CENPT: variants seen among roughly 807,000 people sequenced by gnomAD.
CENPT encodes the protein interphase centromere complex protein 22.
CENPT carries 42 observed loss-of-function variants against 59.7 expected under a neutral mutation model. The ratio of observed to expected loss-of-function variants is 0.70; its 90% CI spans 0.55 to 0.91. The LOEUF (loss-of-function observed/expected upper bound fraction) is 0.91, where lower values mean the gene tolerates loss of function less well. Among genes scored for constraint, CENPT ranks in the 40% least tolerant of loss-of-function variants. The pLI, the probability that CENPT is intolerant of heterozygous loss-of-function variation, is 0.00. For synonymous variants in CENPT, 295 were observed against 289.6 expected (o/e 1.02, Z -0.19); for missense variants, 716 against 713.4 (o/e 1.00, Z -0.04).
At chr16:67,834,491 C>T (rs77335546) in intron 3 of CENPT, among the ~76,000 whole-genome samples, 4,436 of 152,158 alleles carry the variant, frequency 0.029, 95 homozygotes, top group Middle Eastern at 0.16. Flanking sequence ...TGGTGGTGCG[C>T]GCCTGTAGTC....
chr16:67,830,650 C>T, intron 10 of CENPT, 102 bp from the exon 11 acceptor site: 1 of 1,274,454 alleles, frequency 7.8e-7, no homozygotes, highest in Non-Finnish European at 1.1e-6. Context: ...CTCAGCGTTG[C>T]CAGGGCCTGG....
At position 67,835,156 on chromosome 16, in the gene CENPT, T is replaced by C. The variant is rs2057727084; in HGVS notation, c.-242+16A>G. On this transcript the variant is annotated intron_variant, in intron 3 of 15. Transcript: ENST00000562787. ...GCGCCCGGCCATTAAAAATTTTTAATGCTAGAGATGCTTACCATATTCTGT... is the reference window on the plus strand; with the variant it reads ...GCGCCCGGCCATTAAAAATTTTTAACGCTAGAGATGCTTACCATATTCTGT... 1.3e-5 allele frequency: 2 copies of C among 152,190 alleles called. No individual in the cohort carries two copies. The highest frequency in any genetic ancestry group is 2.4e-5 in the African/African-American group (1 of 41,454). 9.4% of individuals were successfully genotyped at this position (152,190 alleles called of 1,614,324 possible).
rs34749254 is a variant in CENPT, at chr16:67,828,799, G to A, written c.1325C>T (p.Pro442Leu). The change falls in exon 14 of 16, where the codon CCT becomes CTT. Residue 442 changes from proline to leucine, a missense_variant. Physicochemically the swap from Pro to Leu is moderately conservative, Grantham distance 98. Transcript: ENST00000562787. ...PAEPLLVRHP[P>L]RPRTTGPRPR... ...CCTGGGGCCGGTGGTCCGGGGCCTA[G>A]GGGGATGCCTGACCAACAGAGGCTC... is the stretch of plus-strand genomic sequence containing the variant. 4 of 1,596,140 alleles carry A rather than the reference G, an allele frequency of 2.5e-6. No homozygotes were observed. In the Admixed American group the frequency reaches 5.7e-5, roughly 23 times the overall value.
rs778229845 is a variant in CENPT at position 67,831,814 on chromosome 16, G to T, written c.463C>A (p.Gln155Lys). 36 of 1,602,970 alleles carry T rather than the reference G, an allele frequency of 2.2e-5. No homozygotes were observed. The highest frequency in any genetic ancestry group is 3.1e-5 in the Non-Finnish European group (36 of 1,175,696). ...PGLLAPGRRK[Q>K]RLRLSVFQQG... is the part of the protein sequence containing the mutation. ...TGAAACACTGACAGTCTCAGCCTCT[G>T]TTTCCTCCTGCCAGGGGCCAGCAGA... Residue 155 changes from glutamine (Q) to lysine (K), a missense_variant, in exon 8 of 16, where the codon CAG becomes AAG. Transcript: ENST00000562787.
At chr16:67,835,771 C>T (rs1049152035) in intron 1 of CENPT, 113 bp from the exon 2 acceptor site, 4 of 152,128 alleles carry the variant, frequency 2.6e-5, no homozygotes, top group African/African-American at 9.7e-5. Flanking sequence ...TCTGTGTTAT[C>T]TGACTCAATT....
chr16:67,831,979 T>C (rs758117492), intron 7 of CENPT, 33 bp downstream of exon 7: 5 of 1,591,152 alleles, frequency 3.1e-6, no homozygotes, highest in Non-Finnish European at 4.3e-6. Context: ...AAGCTGCCCA[T>C]AGCACAATCC....
chr16:67,832,978 T>C (rs1198323352), intron 4 of CENPT, among the ~76,000 whole-genome samples: 1 of 152,170 alleles, frequency 6.6e-6, no homozygotes, highest in Non-Finnish European at 1.5e-5. Context: ...TCCAGTCCAG[T>C]CCCTCTCAGA....
At position 67,830,217 on chromosome 16, in the gene CENPT, C is replaced by T. The variant is rs75836236; in HGVS notation, c.863-129G>A. On this transcript the variant is annotated intron_variant, in intron 11 of 15. Transcript: ENST00000562787. ...GGAAAGACAAAGCCAGAGGCAGCAC[C>T]AGGACATGGATCTGAAGTCTCCTGG... is the stretch of plus-strand genomic sequence containing the variant. 2,571 of 1,223,518 alleles carry T rather than the reference C, an allele frequency of 2.1e-3. 40 individuals are homozygous for T. The African/African-American group carries it at 0.033, about 16-fold the overall frequency. 75.8% of individuals were successfully genotyped at this position (1,223,518 alleles called of 1,614,324 possible).
rs936424497 is a variant in CENPT, at chr16:67,843,009, C to T, written c.-492+4392G>A. On this transcript the variant is annotated intron_variant, in intron 1 of 15. Transcript: ENST00000562787. The surrounding 1 kb of genome is among the most constrained non-coding windows in gnomAD (Gnocchi z 5.7). ...CAGCTGCAGCCGAACCTGGTATCTG[C>T]TTCCGCGGCCGTGCTTCTCACCCTT... is the stretch of plus-strand genomic sequence containing the variant. The T allele has an allele frequency of 6.2e-7, 1 of 1,612,654 alleles. No homozygotes were observed. The highest frequency in any genetic ancestry group is 8.5e-7 in the Non-Finnish European group (1 of 1,180,034).
chr16:67,838,431 G>A (rs988157931), intron 1 of CENPT, among the ~76,000 whole-genome samples: 3 of 151,734 alleles, frequency 2.0e-5, no homozygotes, highest in Admixed American at 6.6e-5. Flanking sequence ...AGACCAGCCC[G>A]GACAACGTGG....
intron 1 of CENPT, among the ~76,000 whole-genome samples, chr16:67,844,940 C>T (rs2057787648): frequency 6.6e-6 from 1 of 152,098 alleles, no homozygotes; most frequent in African/African-American, 2.4e-5. Flanking sequence ...AGGCACCCGC[C>T]ACCACGTCGG....
Position 67,829,405 on chromosome 16 carries a change from G to T in CENPT, c.1280+18C>A. The T allele has an allele frequency of 1.3e-6, 2 of 1,576,706 alleles. No individual in the cohort carries two copies. Among genetic ancestry groups the T allele is most frequent in the Non-Finnish European group, 1.7e-6 (2 of 1,163,942 alleles). ...CCTTCCCAAGAGGCCCATGAGGAAT[G>T]GGGTTGTGGGATCTTACACTGCAGC... On this transcript the variant is annotated intron_variant, in intron 13 of 15. Transcript: ENST00000562787.
Position 67,843,821 on chromosome 16 carries a change from C to A in CENPT, c.-492+3580G>T, listed in dbSNP as rs1037477423. 14 of 312,134 alleles carry A rather than the reference C, an allele frequency of 4.5e-5. No homozygotes were observed. The South Asian group carries it at 8.0e-4, about 18-fold the overall frequency. The allele number at this position is 312,134 out of a possible 1,614,324, so 19.3% of individuals were successfully genotyped here. ...CCCTCTAGGGATGCAGGTGGGATGT[C>A]CAGGGACTATAGGTTTGGGAAAACC... On this transcript the variant is annotated intron_variant, in intron 1 of 15. Coordinates refer to ENST00000562787, the MANE Select transcript of CENPT (RefSeq NM_025082.4). This position sits in a 1 kb window ranked among gnomAD's most constrained non-coding sequence, Gnocchi z 5.7.
chr16:67,828,726 G>A lies in CENPT; in HGVS notation c.1398C>T (p.Leu466=). The part of the protein sequence containing the change: ...HKAGLSHYVK[L]FSFYAKMPME... ...TGGGCATCTTGGCATAGAAGCTAAA[G>A]AGTTTCACATAGTGGCTCAGTCCAG... Residue 466 remains leucine, a synonymous_variant, in exon 14 of 16, where the codon CTC becomes CTT. Coordinates refer to ENST00000562787, the MANE Select transcript of CENPT (RefSeq NM_025082.4). 6.2e-7 allele frequency: 1 copy of A among 1,614,128 alleles called. No individual in the cohort carries two copies. Among genetic ancestry groups the A allele is most frequent in the African/African-American group, 1.3e-5 (1 of 75,070 alleles).
chr16:67,830,024 G>A lies in CENPT; in HGVS notation c.927C>T (p.Gly309=), dbSNP rs766444099. 1.9e-6 allele frequency: 3 copies of A among 1,614,206 alleles called. No individual in the cohort carries two copies. In the Admixed American group the frequency reaches 5.0e-5, roughly 27 times the overall value. The change falls in exon 12 of 16, where the codon GGC becomes GGT. Residue 309 remains glycine, a synonymous_variant. Transcript: ENST00000562787. ...AGACACCACTGCTGGTGCTCAGGAA[G>A]CCCAGAGCAAAGGCATTGACCTCCT... ...EAEEVNAFAL[G]FLSTSSGVSG... is the part of the protein sequence containing the mutation.
chr16:67,834,541 C>A (rs1156299261), intron 3 of CENPT, among the ~76,000 whole-genome samples: 1 of 152,076 alleles, frequency 6.6e-6, no homozygotes, highest in African/African-American at 2.4e-5. Flanking sequence ...ATTGCTTGAG[C>A]CCAGGAGTTC....
At chr16:67,839,316 G>A (rs2057748862) in intron 1 of CENPT, among the ~76,000 whole-genome samples, 2 of 149,660 alleles carry the variant, frequency 1.3e-5, no homozygotes, top group Non-Finnish European at 3.0e-5. Flanking sequence ...ACCCTGAAGT[G>A]GAGTTTGCAG....
intron 1 of CENPT, 172 bp downstream of exon 1, chr16:67,847,227 TGC>T (rs1652061231): frequency 6.6e-6 from 1 of 152,116 alleles, no homozygotes; most frequent in Admixed American, 6.5e-5. Flanking sequence ...GGCCGTACCG[TGC>T]TGGTGGCTGG....
intron 1 of CENPT, among the ~76,000 whole-genome samples, chr16:67,846,072 T>C (rs1388906928): frequency 6.6e-6 from 1 of 152,226 alleles, no homozygotes; most frequent in Non-Finnish European, 1.5e-5. Flanking sequence ...ACCTAGAGAC[T>C]GGCCTTACCA....
Sources: gnomAD v4.1 joint callset for allele counts (sites outside exome capture counted in the v4.1 genomes callset) on GRCh38, gnomAD v4.1.1 for gene constraint, Gnocchi (gnomAD v3.1) non-coding constraint, MANE v1.5 for transcripts, NCBI Gene and HGNC (gene_info 2026-07-23, HGNC 2026-07-21) for gene names.